Variants in GOLGB1 observed in about 807,000 individuals in gnomAD.
GOLGB1 encodes the protein golgin B1.
In GOLGB1, 174 loss-of-function variants were observed where a neutral mutation model predicts 336.9. The ratio of observed to expected loss-of-function variants is 0.52; its 90% CI spans 0.46 to 0.59. GOLGB1 has a LOEUF of 0.59. GOLGB1 is among the 20% of genes least tolerant of loss of function. The pLI, the probability that GOLGB1 is intolerant of heterozygous loss-of-function variation, is 0.00. For missense variants in GOLGB1, 3,331 were observed against 3,645.3 expected (o/e 0.91, Z 2.22); for synonymous variants, 1,208 against 1,289.2 (o/e 0.94, Z 1.35).
chr3:121,733,752 C>T (rs1175148080), intron 1 of GOLGB1, among the ~76,000 whole-genome samples: 1 of 152,136 alleles, frequency 6.6e-6, no homozygotes, highest in Non-Finnish European at 1.5e-5. Flanking sequence ...TAGACACATA[C>T]AAATCGAGTC....
intron 1 of GOLGB1, among the ~76,000 whole-genome samples, chr3:121,747,404 C>A (rs1047799545): frequency 1.4e-5 from 2 of 140,514 alleles, no homozygotes; most frequent in African/African-American, 5.3e-5. Context: ...TACATATATA[C>A]GTATATATAT....
In GOLGB1 at chr3:121,668,193, A is replaced by C. The variant is rs544737213; in HGVS notation, c.9322-35T>G. 3.8e-5 allele frequency: 47 copies of C among 1,244,586 alleles called. 1 individual carries two copies. In the South Asian group the frequency reaches 5.8e-4, roughly 15 times the overall value. 77.1% of individuals were successfully genotyped at this position (1,244,586 alleles called of 1,614,324 possible). On this transcript the variant is annotated intron_variant, in intron 18 of 21. Coordinates refer to ENST00000614479, the MANE Select transcript of GOLGB1 (RefSeq NM_001366282.2). The stretch of plus-strand genomic sequence containing the variant: ...GAATAAGCTTAGTAATTCAGTGATG[A>C]AAGCTCTTAAGAAAGTGTATTTGAG...
intron 17 of GOLGB1, among the ~76,000 whole-genome samples, chr3:121,671,251 T>G (rs1161492631): frequency 6.6e-6 from 1 of 152,202 alleles, no homozygotes; most frequent in Non-Finnish European, 1.5e-5. Flanking sequence ...AGGGAACAAT[T>G]TAGACTACAT....
At position 121,695,061 on chromosome 3, in the gene GOLGB1, G is replaced by A. The variant is rs772363833; in HGVS notation, c.5462C>T (p.Pro1821Leu). The change falls in exon 13 of 22, where the codon CCA (proline) becomes CTA (leucine). Residue 1821 changes from proline (P) to leucine (L), a missense_variant. Transcript: ENST00000614479. Reference sequence around the variant, plus strand: ...AGCAGGGTTGGCACTCTTCGCTGATGGAACCGATTCTGAACATGTAGGTCT... The same window carrying A: ...AGCAGGGTTGGCACTCTTCGCTGATAGAACCGATTCTGAACATGTAGGTCT... Reference protein sequence around the residue: ...STRPTCSESVPSAKSANPAVS... With the variant: ...STRPTCSESVLSAKSANPAVS... 6 of 1,614,074 alleles carry A rather than the reference G, an allele frequency of 3.7e-6. No individual in the cohort carries two copies. The highest frequency in any genetic ancestry group is 5.1e-6 in the Non-Finnish European group (6 of 1,180,012).
chr3:121,698,092 T>C lies in GOLGB1; in HGVS notation c.2431A>G (p.Lys811Glu). 2 of 1,614,064 alleles carry C rather than the reference T, an allele frequency of 1.2e-6. No individual in the cohort carries two copies. Among genetic ancestry groups the C allele is most frequent in the South Asian group, 1.1e-5 (1 of 91,088 alleles). ...EQIHSLSIEAKSKDVKIEVLQ... is the reference protein window; with the variant it reads ...EQIHSLSIEAESKDVKIEVLQ... ...ACTTCAATTTTCACATCTTTAGATTTGGCTTCTATGCTGAGACTATGGATC... is the reference window on the plus strand; with the variant it reads ...ACTTCAATTTTCACATCTTTAGATTCGGCTTCTATGCTGAGACTATGGATC... The change falls in exon 13 of 22, where the codon AAA (lysine) becomes GAA (glutamate). Residue 811 changes from lysine (K) to glutamate (E), a missense_variant. Coordinates refer to ENST00000614479, the MANE Select transcript of GOLGB1 (RefSeq NM_001366282.2).
At chr3:121,665,056 TA>T (rs1290654045) in intron 20 of GOLGB1, 25 bp from the exon 21 acceptor site, 2 of 1,292,330 alleles carry the variant, frequency 1.5e-6, no homozygotes, top group Non-Finnish European at 1.1e-6. Context: ...AAAAGAGGCA[TA>T]GCATTGGTTC....
At chr3:121,670,545 A>G (rs1421833351) in intron 17 of GOLGB1, among the ~76,000 whole-genome samples, 1 of 152,098 alleles carries the variant, frequency 6.6e-6, no homozygotes, top group Non-Finnish European at 1.5e-5. Flanking sequence ...CTGAAGAGCA[A>G]TGTTAGCTTA....
At position 121,696,400 on chromosome 3, in the gene GOLGB1, G is replaced by C; in HGVS notation, c.4123C>G (p.Leu1375Val). ...SHEAEVHAES[L>V]QQKLESSQLQ... ...TGGCTGCTTTCCAATTTCTGCTGCA[G>C]GCTTTCGGCATGGACTTCAGCTTCA... Residue 1375 changes from leucine (L) to valine (V), a missense_variant, in exon 13 of 22, where the codon CTG (leucine) becomes GTG (valine). Leu to Val is a conservative substitution (Grantham distance 32). Coordinates refer to ENST00000614479, the MANE Select transcript of GOLGB1 (RefSeq NM_001366282.2). 2.5e-6 allele frequency: 4 copies of C among 1,614,120 alleles called. No individual in the cohort carries two copies. The highest frequency in any genetic ancestry group is 3.4e-6 in the Non-Finnish European group (4 of 1,180,014).
chr3:121,727,291 C>CATAT (rs1560307098), intron 4 of GOLGB1, among the ~76,000 whole-genome samples: 59 of 51,106 alleles, frequency 1.2e-3, no homozygotes, highest in Middle Eastern at 7.7e-3. Flanking sequence ...TACACACACA[C>CATAT]ACATATATAT....
intron 1 of GOLGB1, among the ~76,000 whole-genome samples, chr3:121,737,780 G>T (rs934881969): frequency 7.9e-5 from 12 of 152,152 alleles, no homozygotes; most frequent in African/African-American, 2.9e-4. Flanking sequence ...GGCAGCCATG[G>T]TTCTTAAGAA....
intron 20 of GOLGB1, among the ~76,000 whole-genome samples, chr3:121,666,996 TTGTC>T (rs1938718171): frequency 1.3e-5 from 2 of 152,214 alleles, no homozygotes; most frequent in South Asian, 2.1e-4. Context: ...TGGCCCAACA[TTGTC>T]TGTGACTGGG....
intron 1 of GOLGB1, among the ~76,000 whole-genome samples, chr3:121,733,208 AGCTACTCT>A: frequency 6.7e-6 from 1 of 149,440 alleles, no homozygotes; most frequent in African/African-American, 2.5e-5. Context: ...CTGTAGTCCC[AGCTACTCT>A]GGAGGCTGAG....
chr3:121,716,657 A>T, intron 9 of GOLGB1, 80 bp downstream of exon 9: 1 of 1,182,556 alleles, frequency 8.5e-7, no homozygotes, highest in Non-Finnish European at 1.2e-6. Context: ...TACAGATTTC[A>T]TTAACAGATC....
In GOLGB1 at chr3:121,693,906, C is replaced by G. The variant is rs745980454; in HGVS notation, c.6617G>C (p.Arg2206Pro). ...TKSMSSLQDD[R>P]DRVIDEAKKW... ...CTTAGCTTCATCTATCACCCTGTCA[C>G]GATCATCCTGGAGGGAAGACATGCT... The change falls in exon 13 of 22, where the codon CGT (arginine) becomes CCT (proline). Residue 2206 changes from arginine (R) to proline (P), a missense_variant. By Grantham distance (103) the Arg-to-Pro change is moderately radical. Transcript: ENST00000614479. 1.9e-6 allele frequency: 3 copies of G among 1,613,876 alleles called. No individual in the cohort carries two copies. Among genetic ancestry groups the G allele is most frequent in the Non-Finnish European group, 2.5e-6 (3 of 1,179,856 alleles).
At chr3:121,699,300 T>C (rs1291860921) in intron 12 of GOLGB1, among the ~76,000 whole-genome samples, 1 of 152,178 alleles carries the variant, frequency 6.6e-6, no homozygotes, top group Non-Finnish European at 1.5e-5. Flanking sequence ...CAAGGGCATG[T>C]ATAATTCTAT....
chr3:121,696,890 C>A lies in GOLGB1; in HGVS notation c.3633G>T (p.Lys1211Asn). The A allele has an allele frequency of 6.2e-7, 1 of 1,614,140 alleles. No individual in the cohort carries two copies. The highest frequency in any genetic ancestry group is 8.5e-7 in the Non-Finnish European group (1 of 1,179,992). ...EKERHLREEL[K>N]QQKDDYNRLQ... ...AGCGATTATAGTCATCTTTCTGTTGCTTTAGCTCCTCCCTGAGATGTCTTT... is the reference window on the plus strand; with the variant it reads ...AGCGATTATAGTCATCTTTCTGTTGATTTAGCTCCTCCCTGAGATGTCTTT... The change falls in exon 13 of 22, where the codon AAG becomes AAT. Residue 1211 changes from lysine to asparagine, a missense_variant. By Grantham distance (94) the Lys-to-Asn change is moderately conservative (BLOSUM62 0). Coordinates refer to ENST00000614479, the MANE Select transcript of GOLGB1 (RefSeq NM_001366282.2).
At chr3:121,730,289 C>T (rs6798575) in intron 2 of GOLGB1, 34,779 of 303,090 alleles carry the variant, frequency 0.11, 2,380 homozygotes, top group African/African-American at 0.19. Context: ...AAATCATAAA[C>T]CAGTAAGGGT....
At chr3:121,714,551 G>A (rs1339900834) in intron 10 of GOLGB1, among the ~76,000 whole-genome samples, 1 of 151,702 alleles carries the variant, frequency 6.6e-6, no homozygotes. Context: ...TTCCGAACTG[G>A]GAAAATTAAC....
At chr3:121,735,119 G>A (rs1304682320) in intron 1 of GOLGB1, among the ~76,000 whole-genome samples, 2 of 152,170 alleles carry the variant, frequency 1.3e-5, no homozygotes, top group African/African-American at 4.8e-5. Context: ...ATAGTTGTCA[G>A]GGCTTGAGGG....
Sources: allele counts gnomAD v4.1 joint callset (sites outside exome capture counted in the v4.1 genomes callset), GRCh38; gene constraint gnomAD v4.1.1; transcripts MANE v1.5; gene names NCBI Gene and HGNC (gene_info 2026-07-23, HGNC 2026-07-21).